SMCP: variants seen among roughly 807,000 people sequenced by gnomAD.
SMCP encodes the protein sperm mitochondrial-associated cysteine-rich protein.
For synonymous variants in SMCP, 41 were observed against 46.9 expected (o/e 0.87, Z 0.51); for missense variants, 137 against 137.1 (o/e 1.00, Z 0.01).
At position 152,884,579 on chromosome 1, in the gene SMCP, C is replaced by T. The variant is rs749604065; in HGVS notation, c.157C>T (p.Pro53Ser). ...GCCAAAAGGCAGTCAATGCTGCCCA[C>T]CAAAACACAATCACTGCTGCCAGCC... The part of the protein sequence containing the change: ...CQPKGSQCCP[P>S]KHNHCCQPKP... The change falls in exon 2 of 2, where the codon CCA becomes TCA. Residue 53 changes from proline to serine, a missense_variant. Pro to Ser is a moderately conservative substitution (Grantham distance 74). Coordinates refer to ENST00000368765, the MANE Select transcript of SMCP (RefSeq NM_030663.3). 1.1e-5 allele frequency: 18 copies of T among 1,614,022 alleles called. No individual in the cohort carries two copies. The Admixed American group carries it at 1.3e-4, about 12-fold the overall frequency.
chr1:152,878,428 G>T lies in SMCP; in HGVS notation c.-39G>T, dbSNP rs1023651779. 1 of 152,664 alleles carries T rather than the reference G, an allele frequency of 6.6e-6. No individual in the cohort carries two copies. The highest frequency in any genetic ancestry group is 1.5e-5 in the Non-Finnish European group (1 of 68,076). The allele number at this position is 152,664 out of a possible 1,614,324, so 9.5% of individuals were successfully genotyped here. On this transcript the variant is annotated 5_prime_UTR_variant, in exon 1 of 2. Transcript: ENST00000368765. ...AAGTCAAGCATGGAAATTGTGAATTGTGTGTGTGGCCAGACCAGGTAACAC... is the reference window on the plus strand; with the variant it reads ...AAGTCAAGCATGGAAATTGTGAATTTTGTGTGTGGCCAGACCAGGTAACAC...
chr1:152,878,697 GAC>G (rs1210611801), intron 1 of SMCP, among the ~76,000 whole-genome samples: 1 of 152,204 alleles, frequency 6.6e-6, no homozygotes, highest in East Asian at 1.9e-4. Flanking sequence ...ACAAAAGTGA[GAC>G]AATTGGGAAA....
intron 1 of SMCP, among the ~76,000 whole-genome samples, chr1:152,881,459 C>A (rs113114696): frequency 2.0e-5 from 3 of 151,686 alleles, no homozygotes; most frequent in East Asian, 2.0e-4. Context: ...GAGGCCGAGG[C>A]GGGTGGATCA....
chr1:152,881,088 G>C (rs1649020284), intron 1 of SMCP, among the ~76,000 whole-genome samples: 1 of 128,688 alleles, frequency 7.8e-6, no homozygotes, highest in African/African-American at 2.9e-5. Flanking sequence ...GAAAGTTACT[G>C]TTTCTAGTGG....
intron 1 of SMCP, among the ~76,000 whole-genome samples, chr1:152,878,782 T>G (rs1161602776): frequency 1.3e-5 from 2 of 152,132 alleles, no homozygotes; most frequent in African/African-American, 4.8e-5. Flanking sequence ...ATGGAGGTTT[T>G]GGGTTAAGGA....
intron 1 of SMCP, among the ~76,000 whole-genome samples, chr1:152,882,285 C>CT (rs1223634626): frequency 7.2e-5 from 11 of 152,140 alleles, no homozygotes; most frequent in Non-Finnish European, 1.6e-4. Flanking sequence ...CCCAGAAAGA[C>CT]TTTAATGTGA....
intron 1 of SMCP, among the ~76,000 whole-genome samples, chr1:152,882,340 G>A (rs530248916): frequency 2.0e-5 from 3 of 152,278 alleles, no homozygotes; most frequent in African/African-American, 4.8e-5. Context: ...TTTATCTACA[G>A]GACACAAAAG....
At chr1:152,883,564 C>T (rs149165764) in intron 1 of SMCP, among the ~76,000 whole-genome samples, 2 of 152,124 alleles carry the variant, frequency 1.3e-5, no homozygotes, top group African/African-American at 2.4e-5. Flanking sequence ...TTCTCTATAC[C>T]TGGAAGAATC....
chr1:152,881,454 C>T lies in SMCP; in HGVS notation c.-20-2949C>T, dbSNP rs1002869448. 9.2e-5 allele frequency among the ~76,000 whole-genome samples: 14 copies of T among 151,612 alleles called. 1 individual carries two copies. The highest frequency in any genetic ancestry group is 9.7e-5 in the African/African-American group (4 of 41,228). On this transcript the variant is annotated intron_variant, in intron 1 of 1. Transcript: ENST00000368765. ...CTGTAATCCCAGCACTTTGGGAGGC[C>T]GAGGCGGGTGGATCATGAGGTCAGG... is the stretch of plus-strand genomic sequence containing the variant.
chr1:152,882,657 G>T (rs559245614), intron 1 of SMCP, among the ~76,000 whole-genome samples: 1 of 146,848 alleles, frequency 6.8e-6, no homozygotes, highest in South Asian at 2.1e-4. Context: ...ATGCACTTAG[G>T]TGCACACACA....
chr1:152,879,444 C>T (rs575698497), intron 1 of SMCP, among the ~76,000 whole-genome samples: 1 of 152,306 alleles, frequency 6.6e-6, no homozygotes, highest in East Asian at 1.9e-4. Flanking sequence ...TGGTCTCAAA[C>T]TCCTGACCTC....
In SMCP at chr1:152,884,370, C is replaced by A. The variant is rs993688274; in HGVS notation, c.-20-33C>A. 2.6e-6 allele frequency: 4 copies of A among 1,566,408 alleles called. No individual in the cohort carries two copies. In the East Asian group the frequency reaches 9.0e-5, roughly 35 times the overall value. On this transcript the variant is annotated intron_variant, in intron 1 of 1. Coordinates refer to ENST00000368765, the MANE Select transcript of SMCP (RefSeq NM_030663.3). ...GAAATGAAAGCAGGCACCCAGATTT[C>A]CTTCTGATGAGAATATTATTTTCTT...
chr1:152,881,128 G>C (rs879325194), intron 1 of SMCP, among the ~76,000 whole-genome samples: 3 of 151,924 alleles, frequency 2.0e-5, no homozygotes, highest in Non-Finnish European at 4.4e-5. Context: ...CTGGCTCAAT[G>C]GGACCCAGTT....
rs1184884900 is a variant in SMCP at position 152,884,527 on chromosome 1, C to A, written c.105C>A (p.Cys35Ter). The A allele has an allele frequency of 6.2e-7, 1 of 1,614,080 alleles. No individual in the cohort carries two copies. The highest frequency in any genetic ancestry group is 1.1e-5 in the South Asian group (1 of 91,050). Residue 35 changes from cysteine (C) to a stop codon, truncating the protein, a stop_gained, in exon 2 of 2, where the codon TGC becomes TGA. Transcript: ENST00000368765. LOFTEE classifies it low-confidence loss of function (END_TRUNC). ...QCCQSKGNQC[C>*]PPKQNQCCQP... ...GCCAGTCAAAAGGCAATCAATGCTG[C>A]CCACCAAAACAGAACCAGTGCTGCC...
At chr1:152,881,129 G>A (rs2101622365) in intron 1 of SMCP, among the ~76,000 whole-genome samples, 1 of 152,050 alleles carries the variant, frequency 6.6e-6, no homozygotes, top group African/African-American at 2.4e-5. Flanking sequence ...TGGCTCAATG[G>A]GACCCAGTTT....
chr1:152,882,675 A>G (rs1649091593), intron 1 of SMCP, among the ~76,000 whole-genome samples: 1 of 152,096 alleles, frequency 6.6e-6, no homozygotes, highest in South Asian at 2.1e-4. Flanking sequence ...ACACACACAC[A>G]CACACACTCT....
Position 152,884,399 on chromosome 1 carries a change from C to G in SMCP, c.-20-4C>G, listed in dbSNP as rs1424693398. 1 of 1,609,140 alleles carries G rather than the reference C, an allele frequency of 6.2e-7. No homozygotes were observed. The highest frequency in any genetic ancestry group is 2.2e-5 in the East Asian group (1 of 44,816). The stretch of plus-strand genomic sequence containing the variant: ...CTGATGAGAATATTATTTTCTTTTT[C>G]TAGTACCTCCAAGTGTTCAGAAGAT... On this transcript the variant is annotated splice_region_variant and splice_polypyrimidine_tract_variant and intron_variant, in intron 1 of 1. Coordinates refer to ENST00000368765, the MANE Select transcript of SMCP (RefSeq NM_030663.3).
chr1:152,883,459 C>G (rs1306411076), intron 1 of SMCP, among the ~76,000 whole-genome samples: 1 of 152,186 alleles, frequency 6.6e-6, no homozygotes, highest in African/African-American at 2.4e-5. Flanking sequence ...GGGCTGCATA[C>G]CTGGGCTGAG....
At chr1:152,881,617 A>G (rs1019852815) in intron 1 of SMCP, among the ~76,000 whole-genome samples, 2 of 148,042 alleles carry the variant, frequency 1.4e-5, no homozygotes, top group Admixed American at 1.4e-4. Flanking sequence ...GAACCCGGGA[A>G]GCGGAGCTTG....
Sources: gnomAD v4.1 joint callset for allele counts (sites outside exome capture counted in the v4.1 genomes callset) on GRCh38, gnomAD v4.1.1 for gene constraint, MANE v1.5 for transcripts, NCBI Gene and HGNC (gene_info 2026-07-23, HGNC 2026-07-21) for gene names.